Variants in DLGAP1 observed in about 807,000 individuals in gnomAD.
DLGAP1 encodes the protein disks large-associated protein 1.
A neutral mutation model predicts 90.8 loss-of-function variants in DLGAP1; 11 were observed. The observed-to-expected ratio is 0.12, with a 90% CI of 0.08 to 0.20. The LOEUF (loss-of-function observed/expected upper bound fraction) is 0.20. DLGAP1 is among the 10% of genes least tolerant of loss of function. The pLI, the probability that DLGAP1 is intolerant of heterozygous loss-of-function variation, is 1.00. For synonymous variants in DLGAP1, 558 were observed against 540.7 expected, an observed-to-expected ratio of 1.03 and a Z score of -0.44; for missense variants, 1,050 against 1,333.8, an observed-to-expected ratio of 0.79 and a Z score of 3.31.
intron 2 of DLGAP1, among the ~76,000 whole-genome samples, chr18:4,066,242 T>C (rs1364899684): frequency 2.0e-5 from 3 of 152,124 alleles, no homozygotes; most frequent in Non-Finnish European, 4.4e-5. Context: ...ATTCAGGACA[T>C]AGGCACAGTC....
At chr18:4,114,382 G>GTCACA (rs1236120938) in intron 2 of DLGAP1, among the ~76,000 whole-genome samples, 4 of 151,972 alleles carry the variant, frequency 2.6e-5, no homozygotes, top group Non-Finnish European at 1.5e-5. Flanking sequence ...TTGTAAATGG[G>GTCACA]ATTGCTTTCT....
chr18:3,708,134 T>C (rs981447918), intron 7 of DLGAP1, among the ~76,000 whole-genome samples: 1 of 151,910 alleles, frequency 6.6e-6, no homozygotes, highest in African/African-American at 2.4e-5. Context: ...ACCTCCAGAA[T>C]AGCTGGGACT....
intron 1 of DLGAP1, among the ~76,000 whole-genome samples, chr18:4,207,939 T>G (rs187960483): frequency 3.3e-5 from 5 of 152,368 alleles, no homozygotes; most frequent in Admixed American, 2.0e-4. Flanking sequence ...CATCCGCATT[T>G]TTTTGAAATA....
chr18:4,039,026 A>G (rs1446134552), intron 2 of DLGAP1, among the ~76,000 whole-genome samples: 1 of 152,186 alleles, frequency 6.6e-6, no homozygotes, highest in Non-Finnish European at 1.5e-5. Flanking sequence ...AAACGGCAGC[A>G]CGAGGAAAAA....
intron 1 of DLGAP1, among the ~76,000 whole-genome samples, chr18:4,225,179 C>A (rs183443930): frequency 2.0e-5 from 3 of 152,124 alleles, no homozygotes. Context: ...TCCATTTCAG[C>A]GGTCAGATCT....
chr18:3,562,756 G>A (rs1282439050), intron 9 of DLGAP1, among the ~76,000 whole-genome samples: 1 of 150,824 alleles, frequency 6.6e-6, no homozygotes, highest in Non-Finnish European at 1.5e-5. Flanking sequence ...CTCCGAAAGT[G>A]TTGGGATTAC....
rs1377208486 is a variant in DLGAP1, at chr18:3,741,112, C to CCT, written c.1350+1222_1350+1223insAG. ...ATCACCACCACCACCATCACCATCACCACCACCATCACCACCACCACCACA... is the reference window on the plus strand; with the variant it reads ...ATCACCACCACCACCATCACCATCACCTCACCACCATCACCACCACCACCACA... On this transcript the variant is annotated intron_variant, in intron 6 of 12. Transcript: ENST00000315677. Among the ~76,000 whole-genome samples, 21 of 128,574 alleles carry CCT rather than the reference C, an allele frequency of 1.6e-4. No homozygotes were observed. The East Asian group carries it at 5.5e-3, about 34-fold the overall frequency. 84.3% of individuals were successfully genotyped at this position (128,574 alleles called of 152,430 possible). A position where few individuals can be genotyped will look rare whatever the true frequency, so the allele number is the denominator to read the frequency against.
intron 7 of DLGAP1, among the ~76,000 whole-genome samples, chr18:3,600,677 TATCTATAG>T (rs2056843247): frequency 2.2e-5 from 3 of 139,434 alleles, no homozygotes; most frequent in African/African-American, 8.9e-5. Context: ...GATCTATAGA[TATCTATAG>T]AGATCTATAT....
intron 2 of DLGAP1, among the ~76,000 whole-genome samples, chr18:4,134,415 A>G (rs1004232094): frequency 9.9e-5 from 15 of 152,174 alleles, no homozygotes; most frequent in African/African-American, 3.6e-4. Context: ...ACCTTCCCCT[A>G]TATTCAAACT....
At chr18:4,318,403 C>T (rs147236681) in intron 1 of DLGAP1, among the ~76,000 whole-genome samples, 18 of 152,192 alleles carry the variant, frequency 1.2e-4, no homozygotes, top group East Asian at 3.9e-4. Flanking sequence ...GCTTGAAAAA[C>T]GGTAGGAAAT....
At chr18:3,924,332 G>A (rs540245178) in intron 3 of DLGAP1, among the ~76,000 whole-genome samples, 18 of 152,172 alleles carry the variant, frequency 1.2e-4, no homozygotes, top group African/African-American at 4.1e-4. Flanking sequence ...AACAAAACCA[G>A]TTCCACTACA....
intron 10 of DLGAP1, among the ~76,000 whole-genome samples, chr18:3,523,664 G>A (rs370945487): frequency 1.8e-3 from 270 of 151,946 alleles, no homozygotes; most frequent in Middle Eastern, 6.8e-3. Context: ...TGGCTAACAC[G>A]GTGAAACCCC....
Position 4,057,004 on chromosome 18 carries a change from T to TACACACACAC in DLGAP1, c.-158-51813_-158-51804dup, listed in dbSNP as rs55887550. ...GCATTTATTAGCAACTGACCATACA[T>TACACACACAC]ACACACACACACACACACACACACA... On this transcript the variant is annotated intron_variant, in intron 2 of 12. Transcript: ENST00000315677. Among the ~76,000 whole-genome samples, 97 of 115,092 alleles carry TACACACACAC rather than the reference T, an allele frequency of 8.4e-4. 2 individuals carry two copies. Among genetic ancestry groups the TACACACACAC allele is most frequent in the Middle Eastern group, 8.8e-3 (2 of 228 alleles). 75.5% of individuals were successfully genotyped at this position (115,092 alleles called of 152,430 possible). A position where few individuals can be genotyped will look rare whatever the true frequency, so the allele number is the denominator to read the frequency against.
intron 2 of DLGAP1, among the ~76,000 whole-genome samples, chr18:4,129,455 A>G (rs1372920113): frequency 6.6e-6 from 1 of 152,114 alleles, no homozygotes; most frequent in East Asian, 1.9e-4. Flanking sequence ...TCTTTCCTTC[A>G]TCATGAAGGA....
intron 3 of DLGAP1, among the ~76,000 whole-genome samples, chr18:4,003,729 C>T (rs971078788): frequency 3.3e-5 from 5 of 152,204 alleles, no homozygotes; most frequent in African/African-American, 9.6e-5. Flanking sequence ...AGATAGGGAG[C>T]AGCAAGTGGA....
chr18:3,657,175 G>C (rs1402695530), intron 7 of DLGAP1, among the ~76,000 whole-genome samples: 1 of 152,178 alleles, frequency 6.6e-6, no homozygotes. Context: ...TTACGCAATA[G>C]TCATGATCAT....
intron 4 of DLGAP1, among the ~76,000 whole-genome samples, chr18:3,859,708 C>T (rs1049045579): frequency 1.3e-5 from 2 of 152,230 alleles, no homozygotes; most frequent in East Asian, 3.9e-4. Context: ...GGTGTCTTCT[C>T]TAGAAACCTC....
chr18:4,035,120 T>C (rs2074867204), intron 2 of DLGAP1, among the ~76,000 whole-genome samples: 2 of 152,246 alleles, frequency 1.3e-5, no homozygotes, highest in African/African-American at 4.8e-5. Context: ...CTATTGTGAA[T>C]AGTGCCGCAA....
At chr18:4,146,015 C>T (rs2076580413) in intron 2 of DLGAP1, among the ~76,000 whole-genome samples, 2 of 152,148 alleles carry the variant, frequency 1.3e-5, no homozygotes, top group Admixed American at 1.3e-4. Context: ...GCCTTTCAGT[C>T]TCAGATGACT....
Sources: allele counts gnomAD v4.1 joint callset (sites outside exome capture counted in the v4.1 genomes callset), GRCh38; gene constraint gnomAD v4.1.1; transcripts MANE v1.5; gene names NCBI Gene and HGNC (gene_info 2026-07-23, HGNC 2026-07-21).